CPQ: variants seen among roughly 807,000 people sequenced by gnomAD.
CPQ encodes carboxypeptidase Q.
In CPQ, 37 loss-of-function variants were observed where a neutral mutation model predicts 45.7. That is an observed-to-expected ratio of 0.81 (90% CI 0.62 to 1.07). CPQ has a LOEUF of 1.07. Among genes scored for constraint, CPQ ranks in the 50% least tolerant of loss-of-function variants. The probability of loss-of-function intolerance (pLI) is 0.00; values close to 1 mark genes in which losing one functional copy is unlikely to be tolerated. For synonymous variants in CPQ, 186 were observed against 205.8 expected (o/e 0.90, Z 0.82); for missense variants, 537 against 572.9 (o/e 0.94, Z 0.64).
At chr8:96,957,987 C>T (rs557143630) in intron 4 of CPQ, among the ~76,000 whole-genome samples, 7 of 147,096 alleles carry the variant, frequency 4.8e-5, no homozygotes, top group South Asian at 4.4e-4. Context: ...GGACTATAGA[C>T]GTGCACCACT....
chr8:96,773,934 A>G (rs1374875749), intron 1 of CPQ, among the ~76,000 whole-genome samples: 1 of 152,138 alleles, frequency 6.6e-6, no homozygotes, highest in African/African-American at 2.4e-5. Flanking sequence ...TGACTTAATT[A>G]TCTCCCAAAG....
intron 4 of CPQ, among the ~76,000 whole-genome samples, chr8:96,954,634 T>C (rs182951415): frequency 1.2e-3 from 178 of 152,278 alleles, no homozygotes; most frequent in African/African-American, 3.9e-3. Flanking sequence ...TTAGGGTACA[T>C]GTGCACAACA....
chr8:96,814,759 A>G (rs1259146876), intron 2 of CPQ, among the ~76,000 whole-genome samples: 1 of 152,186 alleles, frequency 6.6e-6, no homozygotes, highest in Non-Finnish European at 1.5e-5. Flanking sequence ...TACAAGGACA[A>G]GTCCTCAAGC....
chr8:96,825,626 A>C (rs1811369897), intron 2 of CPQ, among the ~76,000 whole-genome samples: 1 of 152,028 alleles, frequency 6.6e-6, no homozygotes, highest in Non-Finnish European at 1.5e-5. Context: ...ATTTTCATGT[A>C]ATTCATAGAG....
In CPQ at chr8:97,014,669, C is replaced by A. The variant is rs77167379; in HGVS notation, c.962-14734C>A. ...AAAAAAAAAAAAAAAAGGATTAGTA[C>A]TACCCCAAATGTACTATGGTCTGAA... On this transcript the variant is annotated intron_variant, in intron 5 of 7. Coordinates refer to ENST00000220763, the MANE Select transcript of CPQ (RefSeq NM_016134.4). 2.7e-3 allele frequency among the ~76,000 whole-genome samples: 407 copies of A among 148,712 alleles called. 11 individuals are homozygous for A. In the East Asian group the frequency reaches 0.065, roughly 24 times the overall value.
At chr8:97,042,111 G>C (rs200951576) in intron 6 of CPQ, among the ~76,000 whole-genome samples, 2 of 126,250 alleles carry the variant, frequency 1.6e-5, no homozygotes, top group African/African-American at 3.0e-5. Flanking sequence ...AATCCATCTG[G>C]TCCTGGACTC....
At chr8:96,681,764 C>A (rs1809155659) in intron 1 of CPQ, among the ~76,000 whole-genome samples, 1 of 152,206 alleles carries the variant, frequency 6.6e-6, no homozygotes. Flanking sequence ...AGGAGGGGGG[C>A]TATACCCTGC....
chr8:96,716,226 G>A (rs1809671194), intron 1 of CPQ, among the ~76,000 whole-genome samples: 2 of 152,200 alleles, frequency 1.3e-5, no homozygotes, highest in Admixed American at 1.3e-4. Context: ...GTAGGTGGTG[G>A]CACTTGCAAA....
intron 1 of CPQ, among the ~76,000 whole-genome samples, chr8:96,677,450 T>C (rs1449040763): frequency 6.6e-6 from 1 of 152,162 alleles, no homozygotes; most frequent in Non-Finnish European, 1.5e-5. Context: ...TTTGCATGTG[T>C]TTGGTGGCTG....
chr8:96,939,045 A>T (rs1046194768), intron 4 of CPQ, among the ~76,000 whole-genome samples: 3 of 152,136 alleles, frequency 2.0e-5, no homozygotes, highest in Non-Finnish European at 4.4e-5. Flanking sequence ...TGAACTTTTT[A>T]AAATTATGTA....
chr8:97,035,387 G>C (rs1044648987), intron 6 of CPQ, among the ~76,000 whole-genome samples: 8 of 152,088 alleles, frequency 5.3e-5, no homozygotes, highest in Non-Finnish European at 1.0e-4. Context: ...TCTTTTCTGG[G>C]AGTATAATTG....
chr8:96,885,217 A>C (rs1445651987), intron 4 of CPQ, among the ~76,000 whole-genome samples: 1 of 152,224 alleles, frequency 6.6e-6, no homozygotes, highest in Non-Finnish European at 1.5e-5. Context: ...TGGTGAGAGC[A>C]AGAGAGCAGG....
chr8:96,899,577 C>CA (rs980125016), intron 4 of CPQ, among the ~76,000 whole-genome samples: 7 of 152,174 alleles, frequency 4.6e-5, no homozygotes, highest in African/African-American at 1.4e-4. Context: ...GCAGGCAACT[C>CA]ACGTGGCGGG....
intron 1 of CPQ, among the ~76,000 whole-genome samples, chr8:96,743,228 A>G (rs1185084196): frequency 1.3e-5 from 2 of 151,710 alleles, no homozygotes; most frequent in South Asian, 2.1e-4. Flanking sequence ...CATTCATTTC[A>G]TCTTCCATCG....
chr8:96,901,887 G>A (rs1812516147), intron 4 of CPQ, among the ~76,000 whole-genome samples: 1 of 152,116 alleles, frequency 6.6e-6, no homozygotes, highest in Non-Finnish European at 1.5e-5. Context: ...TATTTACTTT[G>A]GGAAAGCTTT....
At chr8:97,127,293 G>C (rs1217524196) in intron 7 of CPQ, among the ~76,000 whole-genome samples, 1 of 152,108 alleles carries the variant, frequency 6.6e-6, no homozygotes, top group Non-Finnish European at 1.5e-5. Flanking sequence ...TCAATTAAAA[G>C]GAGACTAACA....
intron 1 of CPQ, among the ~76,000 whole-genome samples, chr8:96,675,672 C>T (rs941286252): frequency 1.3e-5 from 2 of 151,952 alleles, no homozygotes; most frequent in South Asian, 2.1e-4. Context: ...TGGAAGTGTG[C>T]CTATTTCTCC....
chr8:97,128,899 C>T (rs1811892014), intron 7 of CPQ, among the ~76,000 whole-genome samples: 1 of 152,076 alleles, frequency 6.6e-6, no homozygotes, highest in African/African-American at 2.4e-5. Flanking sequence ...CTTTCCCAGT[C>T]CTGATTATGT....
intron 1 of CPQ, among the ~76,000 whole-genome samples, chr8:96,740,673 G>A (rs527583675): frequency 0.042 from 6,402 of 151,894 alleles, 175 homozygotes; most frequent in Middle Eastern, 0.099. Flanking sequence ...TTAGCATGAA[G>A]GGTTGTTGAA....
Sources: gnomAD v4.1 joint callset for allele counts (sites outside exome capture counted in the v4.1 genomes callset) on GRCh38, gnomAD v4.1.1 for gene constraint, MANE v1.5 for transcripts, NCBI Gene and HGNC (gene_info 2026-07-23, HGNC 2026-07-21) for gene names.